Variants in NRXN2 observed in about 807,000 individuals in gnomAD.
The protein encoded by NRXN2 is neurexin 2, also known as neurexin-2-beta.
Under a neutral mutation model 128.8 loss-of-function variants are expected in NRXN2, and 29 were observed. The ratio of observed to expected loss-of-function variants is 0.23; its 90% CI spans 0.17 to 0.31. The LOEUF (loss-of-function observed/expected upper bound fraction) is 0.31, where lower values mean the gene tolerates loss of function less well. Ranked by LOEUF, NRXN2 falls within the 10% of genes least tolerant of loss-of-function variation. NRXN2 has a pLI of 1.00. For synonymous variants in NRXN2, 1,098 were observed against 1,075.2 expected, an observed-to-expected ratio of 1.02 and a Z score of -0.41; for missense variants, 1,881 against 2,452.6, an observed-to-expected ratio of 0.77 and a Z score of 4.92.
intron 1 of NRXN2, among the ~76,000 whole-genome samples, chr11:64,716,926 C>T (rs1429700619): frequency 3.9e-5 from 6 of 152,082 alleles, no homozygotes; most frequent in South Asian, 2.1e-4. Flanking sequence ...CTCTTCCCCT[C>T]GCCTTTCCCC....
In NRXN2 at chr11:64,664,443, G is replaced by A. The variant is rs370770773; in HGVS notation, c.1798+2807C>T. 2.4e-3 allele frequency among the ~76,000 whole-genome samples: 352 copies of A among 145,016 alleles called. 2 individuals carry two copies. Among genetic ancestry groups the A allele is most frequent in the African/African-American group, 8.8e-3 (337 of 38,318 alleles). On this transcript the variant is annotated intron_variant, in intron 9 of 22. Coordinates refer to ENST00000265459, the MANE Select transcript of NRXN2 (RefSeq NM_015080.4). ...CAGTGAGCCGAGATTGCGCCACTGC[G>A]CTCCAGCCTAGGCAACGAGAGCGAA... is the stretch of plus-strand genomic sequence containing the variant.
At chr11:64,691,915 C>G (rs868026692) in intron 4 of NRXN2, among the ~76,000 whole-genome samples, 7 of 152,224 alleles carry the variant, frequency 4.6e-5, no homozygotes, top group Non-Finnish European at 7.3e-5. Context: ...ATGACCCCCC[C>G]ACAGAGGGCT....
At position 64,677,053 on chromosome 11, in the gene NRXN2, G is replaced by T; in HGVS notation, c.1153-16C>A. On this transcript the variant is annotated splice_polypyrimidine_tract_variant and intron_variant, in intron 6 of 22. Coordinates refer to ENST00000265459, the MANE Select transcript of NRXN2 (RefSeq NM_015080.4). ...TCCCTGCGTGCTTCACCGGAGATAT[G>T]GGGGGATGGGGAGGAGGGGGGTGTC... 6.6e-7 allele frequency: 1 copy of T among 1,512,138 alleles called. No homozygotes were observed. Among genetic ancestry groups the T allele is most frequent in the Non-Finnish European group, 9.0e-7 (1 of 1,116,534 alleles). The allele number at this position is 1,512,138 out of a possible 1,614,324, so 93.7% of individuals were successfully genotyped here. A position where few individuals can be genotyped will look rare whatever the true frequency, so the allele number is the denominator to read the frequency against.
intron 6 of NRXN2, among the ~76,000 whole-genome samples, chr11:64,681,815 G>GC (rs2052330749): frequency 1.3e-5 from 2 of 152,044 alleles, no homozygotes; most frequent in Admixed American, 1.3e-4. Flanking sequence ...AAGAAAATTG[G>GC]ATGAGTATGG....
Position 64,714,131 on chromosome 11 carries a change from G to A in NRXN2, c.-244-188C>T, listed in dbSNP as rs2057204333. 6.6e-6 allele frequency among the ~76,000 whole-genome samples: 1 copy of A among 152,220 alleles called. No individual in the cohort carries two copies. Among genetic ancestry groups the A allele is most frequent in the South Asian group, 2.1e-4 (1 of 4,832 alleles). ...CGCGGATTCCGGGGGCCAGCACTTA[G>A]GAGAGATGGCACGCACTAGGGGCAG... On this transcript the variant is annotated intron_variant, in intron 1 of 22. Coordinates refer to ENST00000265459, the MANE Select transcript of NRXN2 (RefSeq NM_015080.4). This position sits in a 1 kb window ranked among gnomAD's most constrained non-coding sequence, Gnocchi z 4.5.
intron 8 of NRXN2, among the ~76,000 whole-genome samples, 177 bp downstream of exon 8, chr11:64,668,266 G>A (rs1043748814): frequency 6.6e-6 from 1 of 152,214 alleles, no homozygotes; most frequent in Non-Finnish European, 1.5e-5. Context: ...GAAATCAAAG[G>A]GGAGAAGCCT....
chr11:64,715,935 A>C (rs1052906586), intron 1 of NRXN2, among the ~76,000 whole-genome samples: 8 of 151,978 alleles, frequency 5.3e-5, no homozygotes, highest in Non-Finnish European at 1.0e-4. Flanking sequence ...TCACCCCCCC[A>C]CACACAAGCA....
chr11:64,628,659 C>T (rs1157442570), intron 19 of NRXN2, among the ~76,000 whole-genome samples: 1 of 152,230 alleles, frequency 6.6e-6, no homozygotes, highest in East Asian at 1.9e-4. Flanking sequence ...CAAGCCCAGC[C>T]CTGTCCAGCA....
chr11:64,641,045 T>C (rs2045585456), intron 17 of NRXN2, among the ~76,000 whole-genome samples: 1 of 151,894 alleles, frequency 6.6e-6, no homozygotes, highest in Non-Finnish European at 1.5e-5. Flanking sequence ...AGTGCAGACA[T>C]GGGAGGCCAC....
intron 9 of NRXN2, chr11:64,661,444 T>G (rs1389505957): frequency 7.8e-7 from 1 of 1,279,124 alleles, no homozygotes; most frequent in Non-Finnish European, 1.0e-6. Flanking sequence ...AGGCAGGAAG[T>G]GGGCATGCCG....
At chr11:64,697,866 C>T (rs1246785827) in intron 2 of NRXN2, 74 bp from the exon 3 acceptor site, 33 of 1,568,848 alleles carry the variant, frequency 2.1e-5, no homozygotes, top group African/African-American at 5.4e-5. Flanking sequence ...AAAGGTACCA[C>T]GGACAGGGGC....
Position 64,607,188 on chromosome 11 carries a change from C to G in NRXN2, c.*8G>C. On this transcript the variant is annotated 3_prime_UTR_variant, in exon 23 of 23. Coordinates refer to ENST00000265459, the MANE Select transcript of NRXN2 (RefSeq NM_015080.4). ...GGGCAGCTGGCAGTGGGGCGCAGTG[C>G]CGGGGGCTCAGACATAATACTCCTT... The G allele has an allele frequency of 6.2e-7, 1 of 1,611,878 alleles. No homozygotes were observed. The highest frequency in any genetic ancestry group is 2.2e-5 in the East Asian group (1 of 44,792).
At chr11:64,678,235 T>C (rs912191081) in intron 6 of NRXN2, among the ~76,000 whole-genome samples, 2 of 151,754 alleles carry the variant, frequency 1.3e-5, no homozygotes, top group Non-Finnish European at 2.9e-5. Context: ...TTCCAGACCC[T>C]CTTCCCTCTC....
chr11:64,644,306 C>A (rs2046310746), intron 17 of NRXN2, among the ~76,000 whole-genome samples: 1 of 151,992 alleles, frequency 6.6e-6, no homozygotes, highest in Non-Finnish European at 1.5e-5. Context: ...CTCCCCACCA[C>A]CTCCCCAAAA....
At chr11:64,705,529 C>T (rs894425841) in intron 2 of NRXN2, among the ~76,000 whole-genome samples, 13 of 151,962 alleles carry the variant, frequency 8.6e-5, no homozygotes, top group Non-Finnish European at 1.5e-4. Context: ...CTTCCTCCTC[C>T]TCCCAGCTGT....
At chr11:64,638,249 T>TG (rs2045089685) in intron 17 of NRXN2, among the ~76,000 whole-genome samples, 1 of 152,242 alleles carries the variant, frequency 6.6e-6, no homozygotes, top group African/African-American at 2.4e-5. Context: ...TGGGCGGGTC[T>TG]GTTAAAGCCT....
At chr11:64,611,878 A>C (rs2040698623) in intron 22 of NRXN2, among the ~76,000 whole-genome samples, 1 of 151,666 alleles carries the variant, frequency 6.6e-6, no homozygotes, top group Non-Finnish European at 1.5e-5. Context: ...CGATCTCCTG[A>C]GGTGTCCTCC....
rs1565204942 is a variant in NRXN2 at position 64,622,694 on chromosome 11, A to G, written c.4173+59T>C. 6.4e-7 allele frequency: 1 copy of G among 1,566,544 alleles called. No individual in the cohort carries two copies. Among genetic ancestry groups the G allele is most frequent in the East Asian group, 2.3e-5 (1 of 44,264 alleles). On this transcript the variant is annotated intron_variant, in intron 21 of 22. Coordinates refer to ENST00000265459, the MANE Select transcript of NRXN2 (RefSeq NM_015080.4). This position sits in a 1 kb window ranked among gnomAD's most constrained non-coding sequence, Gnocchi z 4.3. Reference sequence around the variant, plus strand: ...AGGCACCACTACTGTGGCTATGCAGATATCAACCCCATCCCCACCTATCCC... The same window carrying G: ...AGGCACCACTACTGTGGCTATGCAGGTATCAACCCCATCCCCACCTATCCC...
At chr11:64,654,598 G>T (rs2047978169) in intron 11 of NRXN2, among the ~76,000 whole-genome samples, 1 of 152,144 alleles carries the variant, frequency 6.6e-6, no homozygotes, top group Non-Finnish European at 1.5e-5. Flanking sequence ...CACAGAGCCA[G>T]CAGCCCAGGG....
Sources: gnomAD v4.1 joint callset for allele counts (sites outside exome capture counted in the v4.1 genomes callset) on GRCh38, gnomAD v4.1.1 for gene constraint, Gnocchi (gnomAD v3.1) non-coding constraint, MANE v1.5 for transcripts, NCBI Gene and HGNC (gene_info 2026-07-23, HGNC 2026-07-21) for gene names.